Variants in KLHL20 observed in about 807,000 individuals in gnomAD.
KLHL20 encodes kelch-like protein 20.
In KLHL20, 29 loss-of-function variants were observed where a neutral mutation model predicts 69.5. The observed-to-expected ratio is 0.42, with a 90% confidence interval of 0.31 to 0.57. The LOEUF is 0.57. Among genes scored for constraint, KLHL20 ranks in the 20% least tolerant of loss-of-function variants. KLHL20 has a pLI of 0.18. For missense variants in KLHL20, 419 were observed against 776.0 expected, an observed-to-expected ratio of 0.54 and a Z score of 5.47; for synonymous variants, 253 against 265.2, an observed-to-expected ratio of 0.95 and a Z score of 0.45.
At chr1:173,715,145 T>G (rs1354576671) in intron 1 of KLHL20, 67 bp downstream of exon 1, 2 of 152,352 alleles carry the variant, frequency 1.3e-5, no homozygotes, top group African/African-American at 4.8e-5. Context: ...TTCGCAGATA[T>G]GTGGTCCCAA....
At chr1:173,765,370 G>A (rs1647627104) in intron 7 of KLHL20, among the ~76,000 whole-genome samples, 1 of 152,136 alleles carries the variant, frequency 6.6e-6, no homozygotes, top group South Asian at 2.1e-4. Flanking sequence ...GGGTGTGGTG[G>A]CGGGCGCCTG....
intron 10 of KLHL20, among the ~76,000 whole-genome samples, chr1:173,778,362 T>C (rs1254640014): frequency 6.6e-6 from 1 of 152,148 alleles, no homozygotes; most frequent in Non-Finnish European, 1.5e-5. Flanking sequence ...AGGGTCTGGC[T>C]CTGTCACCAA....
intron 10 of KLHL20, among the ~76,000 whole-genome samples, chr1:173,778,085 C>G (rs1365339440): frequency 6.6e-6 from 1 of 151,678 alleles, no homozygotes; most frequent in Non-Finnish European, 1.5e-5. Context: ...TTTTATTATA[C>G]TTTAAGTTCT....
intron 3 of KLHL20, among the ~76,000 whole-genome samples, chr1:173,738,330 G>A (rs1353018128): frequency 1.3e-5 from 2 of 152,026 alleles, no homozygotes; most frequent in Admixed American, 1.3e-4. Context: ...CATCATGCCC[G>A]GCTAATTTTT....
chr1:173,724,463 A>T (rs1256821034), intron 2 of KLHL20, among the ~76,000 whole-genome samples: 1 of 152,238 alleles, frequency 6.6e-6, no homozygotes, highest in Non-Finnish European at 1.5e-5. Flanking sequence ...AGCAATTAGT[A>T]AATATTTGTT....
chr1:173,770,604 C>A (rs1265267927), intron 8 of KLHL20, among the ~76,000 whole-genome samples: 1 of 149,640 alleles, frequency 6.7e-6, no homozygotes, highest in Non-Finnish European at 1.5e-5. Flanking sequence ...GACTTGAACC[C>A]GAGAGGTGAA....
chr1:173,775,843 G>GT lies in KLHL20; in HGVS notation c.1638+2dup. 2 of 1,614,058 alleles carry GT rather than the reference G, an allele frequency of 1.2e-6. No individual in the cohort carries two copies. The highest frequency in any genetic ancestry group is 1.7e-6 in the Non-Finnish European group (2 of 1,179,920). On this transcript the variant is annotated splice_donor_variant, in intron 10 of 11. Coordinates refer to ENST00000209884, the MANE Select transcript of KLHL20 (RefSeq NM_014458.4). LOFTEE classifies it high-confidence loss of function. ...GGCCATGACATCACGCCGTAGTGGA[G>GT]TAAGTGGTTATGGACACTTAGGTTG...
At chr1:173,742,093 A>G (rs1672832221) in intron 3 of KLHL20, among the ~76,000 whole-genome samples, 1 of 152,254 alleles carries the variant, frequency 6.6e-6, no homozygotes, top group African/African-American at 2.4e-5. Context: ...GGCCATAAAC[A>G]GAAAAGAAAT....
Position 173,733,736 on chromosome 1 carries a change from A to C in KLHL20, c.47A>C (p.Glu16Ala). ...MRRCTNIRPG[E>A]TGMDVTSRCT... is the part of the protein sequence containing the mutation. ...AGGTGTACCAACATTCGACCAGGAGAGACTGGAATGGATGTAACAAGCCGC... is the reference window on the plus strand; with the variant it reads ...AGGTGTACCAACATTCGACCAGGAGCGACTGGAATGGATGTAACAAGCCGC... Residue 16 changes from glutamate to alanine, a missense_variant, in exon 3 of 12, where the codon GAG becomes GCG. Coordinates refer to ENST00000209884, the MANE Select transcript of KLHL20 (RefSeq NM_014458.4). 1.9e-6 allele frequency: 3 copies of C among 1,613,620 alleles called. No individual in the cohort carries two copies. Among genetic ancestry groups the C allele is most frequent in the Non-Finnish European group, 2.5e-6 (3 of 1,179,750 alleles).
rs368525628 is a variant in KLHL20 at position 173,730,248 on chromosome 1, T to C, written c.24-3465T>C. On this transcript the variant is annotated intron_variant, in intron 2 of 11. Coordinates refer to ENST00000209884, the MANE Select transcript of KLHL20 (RefSeq NM_014458.4). ...CACAAACAAATGGAAGAACATTCCA[T>C]GCTCATGGGTAGGAAGAATCAATAT... is the stretch of plus-strand genomic sequence containing the variant. Among the ~76,000 whole-genome samples, 1,026 of 152,286 alleles carry C rather than the reference T, an allele frequency of 6.7e-3. 30 individuals carry two copies. The highest frequency in any genetic ancestry group is 0.044 in the Admixed American group (674 of 15,294).
chr1:173,725,500 T>C (rs1008352266), intron 2 of KLHL20, among the ~76,000 whole-genome samples: 6 of 152,230 alleles, frequency 3.9e-5, no homozygotes, highest in East Asian at 1.9e-4. Flanking sequence ...GTAAAACTTA[T>C]AGACACATAC....
At chr1:173,736,286 T>G (rs1052570169) in intron 3 of KLHL20, among the ~76,000 whole-genome samples, 2 of 152,106 alleles carry the variant, frequency 1.3e-5, no homozygotes, top group African/African-American at 4.8e-5. Context: ...CTGAGTAGTA[T>G]TCTGTGGTAT....
At chr1:173,781,895 AAGAAATACATGTTTTG>A (rs1381163762) in intron 10 of KLHL20, 3 of 382,820 alleles carry the variant, frequency 7.8e-6, no homozygotes, top group Non-Finnish European at 1.4e-5. Context: ...TCTAAAATTT[AAGAAATACATGTTTTG>A]GATTCTGTGT....
chr1:173,731,651 G>T (rs1042286304), intron 2 of KLHL20, among the ~76,000 whole-genome samples: 3 of 148,160 alleles, frequency 2.0e-5, no homozygotes, highest in African/African-American at 7.4e-5. Context: ...CTCACTTATA[G>T]GTGGGAATTG....
In KLHL20 at chr1:173,749,303, T is replaced by G. The variant is rs1050566654; in HGVS notation, c.598-2461T>G. The stretch of plus-strand genomic sequence containing the variant: ...TTAGAACAATTCCAGATGACTTTGC[T>G]TAGTCATTCGTGTTTGTTTTCAGCT... On this transcript the variant is annotated intron_variant, in intron 3 of 11. Transcript: ENST00000209884. Among the ~76,000 whole-genome samples, 5 of 152,220 alleles carry G rather than the reference T, an allele frequency of 3.3e-5. No homozygotes were observed. The South Asian group carries it at 6.2e-4, about 19-fold the overall frequency.
rs967335793 is a variant in KLHL20 at position 173,741,821 on chromosome 1, T to C, written c.597+7535T>C. 8.8e-6 allele frequency: 14 copies of C among 1,582,822 alleles called. No homozygotes were observed. The East Asian group carries it at 3.1e-4, about 35-fold the overall frequency. ...ATAAAATCACCATGGTCTTTAGCCA[T>C]GCACAAACTGTAGTTTTGTGTGTTG... On this transcript the variant is annotated intron_variant, in intron 3 of 11. Coordinates refer to ENST00000209884, the MANE Select transcript of KLHL20 (RefSeq NM_014458.4).
intron 11 of KLHL20, among the ~76,000 whole-genome samples, chr1:173,784,009 G>C (rs1287674711): frequency 6.6e-6 from 1 of 151,678 alleles, no homozygotes; most frequent in Non-Finnish European, 1.5e-5. Context: ...AACCCAGAAG[G>C]TGGAGGTTGC....
intron 9 of KLHL20, 140 bp downstream of exon 9, chr1:173,774,578 A>T: frequency 1.3e-6 from 1 of 781,464 alleles, no homozygotes; most frequent in Non-Finnish European, 2.0e-6. Context: ...AGCAGAGTGC[A>T]GCTCTCAGCT....
At chr1:173,780,853 C>T (rs2102540713) in intron 10 of KLHL20, among the ~76,000 whole-genome samples, 1 of 152,084 alleles carries the variant, frequency 6.6e-6, no homozygotes, top group South Asian at 2.1e-4. Flanking sequence ...CCTCAGCCTC[C>T]CGAGTAGCTA....
Sources: allele counts gnomAD v4.1 joint callset (sites outside exome capture counted in the v4.1 genomes callset), GRCh38; gene constraint gnomAD v4.1.1; transcripts MANE v1.5; gene names NCBI Gene and HGNC (gene_info 2026-07-23, HGNC 2026-07-21).